The following RSU1 variants were observed in gnomAD, a reference collection of about 807,000 sequenced individuals.
RSU1 encodes the protein Ras suppressor protein 1.
Under a neutral mutation model 31.1 loss-of-function variants are expected in RSU1, and 26 were observed. The ratio of observed to expected loss-of-function variants is 0.84; its 90% CI spans 0.61 to 1.16. The LOEUF (loss-of-function observed/expected upper bound fraction) is 1.16. RSU1 is among the 50% of genes most tolerant of loss of function. The pLI, the probability that RSU1 is intolerant of heterozygous loss-of-function variation, is 0.00. For synonymous variants in RSU1, 164 were observed against 136.3 expected (o/e 1.20, Z -1.41); for missense variants, 320 against 339.1 (o/e 0.94, Z 0.44).
chr10:16,752,465 T>G (rs1802936497), intron 7 of RSU1, 74 bp downstream of exon 7: 1 of 1,051,690 alleles, frequency 9.5e-7, no homozygotes, highest in Non-Finnish European at 1.5e-6. Context: ...GGACAGAGGT[T>G]GTTCAGAATT....
At chr10:16,666,496 G>T (rs1452390840) in intron 8 of RSU1, among the ~76,000 whole-genome samples, 1 of 152,172 alleles carries the variant, frequency 6.6e-6, no homozygotes, top group Non-Finnish European at 1.5e-5. Context: ...GAGTTATCTG[G>T]GCCAGGCGTG....
chr10:16,594,612 T>TTATATGATA (rs1833575579), intron 8 of RSU1, among the ~76,000 whole-genome samples: 1 of 145,798 alleles, frequency 6.9e-6, no homozygotes, highest in South Asian at 2.1e-4. Context: ...ATAATATCTA[T>TTATATGATA]TATATGATAT....
chr10:16,594,576 A>T (rs954993875), intron 8 of RSU1, among the ~76,000 whole-genome samples: 1 of 148,082 alleles, frequency 6.8e-6, no homozygotes, highest in Non-Finnish European at 1.5e-5. Flanking sequence ...ATGCCTAGCT[A>T]ATTAAAAAAA....
chr10:16,701,184 A>C (rs1469053835), intron 7 of RSU1, among the ~76,000 whole-genome samples: 1 of 152,250 alleles, frequency 6.6e-6, no homozygotes. Flanking sequence ...ATTAAAGTAC[A>C]TTGAAAGGGA....
intron 8 of RSU1, among the ~76,000 whole-genome samples, chr10:16,662,300 CTT>C (rs1486311881): frequency 3.3e-5 from 5 of 152,156 alleles, no homozygotes; most frequent in African/African-American, 1.2e-4. Flanking sequence ...CAGCACTTCT[CTT>C]TGAGAAATAC....
chr10:16,717,008 T>C (rs1015506215), intron 7 of RSU1, among the ~76,000 whole-genome samples: 1 of 152,226 alleles, frequency 6.6e-6, no homozygotes, highest in African/African-American at 2.4e-5. Flanking sequence ...TTAAATGTCA[T>C]TGTAATATAT....
intron 2 of RSU1, 123 bp from the exon 3 acceptor site, chr10:16,782,207 CA>C: frequency 1.5e-6 from 1 of 685,890 alleles, no homozygotes; most frequent in South Asian, 1.9e-5. Flanking sequence ...TATCGCTCAC[CA>C]AAATAGAAGC....
chr10:16,665,371 C>T (rs192997857), intron 8 of RSU1, among the ~76,000 whole-genome samples: 201 of 152,268 alleles, frequency 1.3e-3, no homozygotes, highest in African/African-American at 4.6e-3. Context: ...ACAACATAAA[C>T]ACTAAGTGGT....
chr10:16,707,377 C>A (rs1488452182), intron 7 of RSU1, among the ~76,000 whole-genome samples: 1 of 152,150 alleles, frequency 6.6e-6, no homozygotes, highest in Non-Finnish European at 1.5e-5. Context: ...TTCTCCACAT[C>A]CTTGCCAACC....
intron 2 of RSU1, among the ~76,000 whole-genome samples, chr10:16,803,966 A>AT (rs1327845908): frequency 6.6e-6 from 1 of 152,224 alleles, no homozygotes; most frequent in Non-Finnish European, 1.5e-5. Context: ...CTTACGAAGG[A>AT]AAAACTTGAT....
intron 7 of RSU1, among the ~76,000 whole-genome samples, chr10:16,722,871 T>TATATACACACATATACATATATGTAA (rs1836299670): frequency 4.2e-5 from 6 of 143,032 alleles, no homozygotes; most frequent in South Asian, 2.3e-4. Flanking sequence ...CATATATGTA[T>TATATACACACATATACATATATGTAA]ATATACACAC....
intron 7 of RSU1, among the ~76,000 whole-genome samples, chr10:16,743,087 T>A (rs75513993): frequency 0.049 from 7,396 of 152,266 alleles, 571 homozygotes; most frequent in African/African-American, 0.16. Context: ...TAATGCAGAA[T>A]TAAAACGTAG....
At chr10:16,745,743 T>C (rs1439728434) in intron 7 of RSU1, among the ~76,000 whole-genome samples, 1 of 152,138 alleles carries the variant, frequency 6.6e-6, no homozygotes, top group Non-Finnish European at 1.5e-5. Context: ...ATCATATCAA[T>C]ATCTGAAGGT....
intron 8 of RSU1, among the ~76,000 whole-genome samples, chr10:16,668,990 G>C (rs921263813): frequency 6.6e-6 from 1 of 152,144 alleles, no homozygotes; most frequent in African/African-American, 2.4e-5. Flanking sequence ...CATTCACCAA[G>C]AGGTGGTGCA....
intron 8 of RSU1, among the ~76,000 whole-genome samples, chr10:16,635,598 C>T (rs1202347774): frequency 6.6e-6 from 1 of 152,220 alleles, no homozygotes; most frequent in African/African-American, 2.4e-5. Flanking sequence ...CAAAATGATA[C>T]TGTCCCAGCA....
At chr10:16,655,245 T>C (rs1006096897) in intron 8 of RSU1, among the ~76,000 whole-genome samples, 1 of 152,094 alleles carries the variant, frequency 6.6e-6, no homozygotes. Flanking sequence ...CAATGAGAAA[T>C]GGAAGACAAG....
intron 8 of RSU1, among the ~76,000 whole-genome samples, chr10:16,603,312 G>A (rs905281876): frequency 5.3e-5 from 8 of 152,154 alleles, no homozygotes; most frequent in African/African-American, 1.9e-4. Flanking sequence ...CTAGACTCAC[G>A]ATCTGCCCCA....
intron 2 of RSU1, among the ~76,000 whole-genome samples, chr10:16,787,427 G>A (rs565959993): frequency 1.1e-4 from 16 of 152,106 alleles, no homozygotes; most frequent in East Asian, 3.9e-4. Context: ...TGCCCAACCC[G>A]CACGGCTGCT....
At chr10:16,665,967 C>A (rs967442361) in intron 8 of RSU1, among the ~76,000 whole-genome samples, 1 of 152,068 alleles carries the variant, frequency 6.6e-6, no homozygotes, top group Non-Finnish European at 1.5e-5. Flanking sequence ...CAATTGTGAA[C>A]CTGAAATATA....
Sources: allele counts gnomAD v4.1 joint callset (sites outside exome capture counted in the v4.1 genomes callset), GRCh38; gene constraint gnomAD v4.1.1; transcripts MANE v1.5; gene names NCBI Gene and HGNC (gene_info 2026-07-23, HGNC 2026-07-21).